Variants in VPS54 observed in about 807,000 individuals in gnomAD.
The protein encoded by VPS54 is VPS54 subunit of GARP complex.
In VPS54, 45 loss-of-function variants were observed where a neutral mutation model predicts 121.5. The observed-to-expected ratio is 0.37, with a 90% CI of 0.29 to 0.47. The LOEUF is 0.47. Among genes scored for constraint, VPS54 ranks in the 20% least tolerant of loss-of-function variants. The pLI, the probability that VPS54 is intolerant of heterozygous loss-of-function variation, is 0.99. For missense variants in VPS54, 1,090 were observed against 1,131.4 expected, an observed-to-expected ratio of 0.96 and a Z score of 0.52; for synonymous variants, 371 against 385.8, an observed-to-expected ratio of 0.96 and a Z score of 0.45.
intron 10 of VPS54, among the ~76,000 whole-genome samples, chr2:63,943,456 T>G (rs1559010399): frequency 6.6e-6 from 1 of 152,166 alleles, no homozygotes; most frequent in Non-Finnish European, 1.5e-5. Context: ...ATGACTTATG[T>G]TTTCCAACCA....
intron 7 of VPS54, among the ~76,000 whole-genome samples, chr2:63,960,014 C>T (rs903091089): frequency 6.6e-6 from 1 of 151,768 alleles, no homozygotes; most frequent in African/African-American, 2.4e-5. Context: ...AGCTAGACTC[C>T]ATCTCAAAAA....
In VPS54 at chr2:63,949,117, T is replaced by C. The variant is rs139082064; in HGVS notation, c.1057A>G (p.Met353Val). Residue 353 changes from methionine to valine, a missense_variant, in exon 8 of 23, where the codon ATG (methionine) becomes GTG (valine). By Grantham distance (21) the Met-to-Val change is conservative. Coordinates refer to ENST00000272322, the MANE Select transcript of VPS54 (RefSeq NM_016516.3). ...LCELEKLIDK[M>V]MIAEFSTYSH... is the part of the protein sequence containing the mutation. Reference sequence around the variant, plus strand: ...TAAGTAGAAAATTCTGCAATCATCATTTTATCTATCAGTTTTTCTAATTCA... The same window carrying C: ...TAAGTAGAAAATTCTGCAATCATCACTTTATCTATCAGTTTTTCTAATTCA... The C allele has an allele frequency of 2.9e-3, 4,720 of 1,611,580 alleles. 15 individuals are homozygous for C. The highest frequency in any genetic ancestry group is 3.8e-3 in the Non-Finnish European group (4,484 of 1,179,276).
At chr2:63,910,820 G>C (rs1227147600) in intron 20 of VPS54, among the ~76,000 whole-genome samples, 1 of 152,188 alleles carries the variant, frequency 6.6e-6, no homozygotes, top group African/African-American at 2.4e-5. Context: ...GATGACCAAA[G>C]TGACAGACTA....
chr2:63,908,734 C>T (rs1673011329), intron 20 of VPS54, among the ~76,000 whole-genome samples: 1 of 152,146 alleles, frequency 6.6e-6, no homozygotes, highest in Non-Finnish European at 1.5e-5. Flanking sequence ...CTAGAACTTG[C>T]TATAGTCAGA....
intron 7 of VPS54, among the ~76,000 whole-genome samples, chr2:63,953,771 A>C (rs1675368498): frequency 6.6e-6 from 1 of 152,160 alleles, no homozygotes; most frequent in Non-Finnish European, 1.5e-5. Flanking sequence ...GTGGGGGAGA[A>C]AAACTGAGGT....
chr2:63,948,292 C>T (rs1191958817), intron 8 of VPS54, among the ~76,000 whole-genome samples: 1 of 151,864 alleles, frequency 6.6e-6, no homozygotes, highest in Admixed American at 6.6e-5. Flanking sequence ...TGAGAAGTTA[C>T]CAGCTAAGTG....
intron 1 of VPS54, among the ~76,000 whole-genome samples, chr2:64,005,805 T>A (rs546364632): frequency 6.6e-6 from 1 of 152,306 alleles, no homozygotes; most frequent in South Asian, 2.1e-4. Context: ...ATGTAATTTT[T>A]TCCCCATCTA....
intron 3 of VPS54, among the ~76,000 whole-genome samples, chr2:63,976,315 C>A (rs1164945114): frequency 6.8e-6 from 1 of 147,728 alleles, no homozygotes; most frequent in Non-Finnish European, 1.5e-5. Context: ...CCTGCCACCG[C>A]ACTCCAGCCT....
In VPS54 at chr2:63,983,444, A is replaced by ATTTT. The variant is rs58336872; in HGVS notation, c.136+416_136+419dup. Among the ~76,000 whole-genome samples, 57 of 120,132 alleles carry ATTTT rather than the reference A, an allele frequency of 4.7e-4. 1 individual carries two copies. Among genetic ancestry groups the ATTTT allele is most frequent in the Admixed American group, 3.1e-3 (36 of 11,712 alleles). 78.8% of individuals were successfully genotyped at this position (120,132 alleles called of 152,430 possible). On this transcript the variant is annotated intron_variant, in intron 2 of 22. Coordinates refer to ENST00000272322, the MANE Select transcript of VPS54 (RefSeq NM_016516.3). ...GAGCCACCACGCCGGGCCCCAAATG[A>ATTTT]TTTTTTTTTTTTTTTTTTGAGATGG...
chr2:63,989,718 A>T lies in VPS54; in HGVS notation c.-20-5699T>A, dbSNP rs1575996667. Reference sequence around the variant, plus strand: ...TCCAGGTTAACTACGGGTCACACGGAGTCTAAAAATTATGCTTATCTCTTC... The same window carrying T: ...TCCAGGTTAACTACGGGTCACACGGTGTCTAAAAATTATGCTTATCTCTTC... On this transcript the variant is annotated intron_variant, in intron 1 of 22. Transcript: ENST00000272322. 2.6e-5 allele frequency among the ~76,000 whole-genome samples: 4 copies of T among 152,284 alleles called. 1 individual carries two copies. In the South Asian group the frequency reaches 8.3e-4, roughly 32 times the overall value.
intron 3 of VPS54, among the ~76,000 whole-genome samples, chr2:63,973,763 C>T (rs1676393760): frequency 6.6e-6 from 1 of 152,058 alleles, no homozygotes; most frequent in Admixed American, 6.6e-5. Flanking sequence ...CAGGCTGGTC[C>T]TGAACTCTTG....
chr2:63,923,102 A>G (rs1346161244), intron 12 of VPS54, among the ~76,000 whole-genome samples: 2 of 152,122 alleles, frequency 1.3e-5, no homozygotes, highest in Middle Eastern at 3.2e-3. Context: ...TCATGAGGTC[A>G]GGAGACCGAG....
At chr2:63,986,624 T>A (rs1314222676) in intron 1 of VPS54, among the ~76,000 whole-genome samples, 1 of 152,228 alleles carries the variant, frequency 6.6e-6, no homozygotes, top group Non-Finnish European at 1.5e-5. Context: ...GGAGTGGGAA[T>A]GCTGGATCAT....
At chr2:64,008,399 G>A (rs1425817189) in intron 1 of VPS54, among the ~76,000 whole-genome samples, 2 of 132,688 alleles carry the variant, frequency 1.5e-5, no homozygotes, top group African/African-American at 3.1e-5. Context: ...GGGTGACAGA[G>A]CGCGACTCCG....
At chr2:63,946,351 G>A (rs992690869) in intron 9 of VPS54, among the ~76,000 whole-genome samples, 4 of 152,038 alleles carry the variant, frequency 2.6e-5, no homozygotes, top group African/African-American at 9.7e-5. Flanking sequence ...ACATTCTTCT[G>A]CTGTGTTTTG....
chr2:63,906,788 C>G (rs1191084924), intron 20 of VPS54, among the ~76,000 whole-genome samples: 1 of 152,140 alleles, frequency 6.6e-6, no homozygotes, highest in Non-Finnish European at 1.5e-5. Context: ...CCCAACTGAT[C>G]TATACATTCA....
In VPS54 at chr2:63,897,519, T is replaced by C; in HGVS notation, c.2805A>G (p.Ile935Met). Residue 935 changes from isoleucine to methionine, a missense_variant, in exon 22 of 23, where the codon ATA becomes ATG. Around this residue, in one of 2 missense-constraint regions of VPS54, gnomAD observed 289 missense variants for 374.4 expected, o/e 0.77. Transcript: ENST00000272322. ...ACCCATTTTGAGGTCCTCCATCATT[T>C]ATCACATTTAAGTGAGATAACTGCT... ...LKKQLSHLNV[I>M]NDGGPQNGLV... 10 of 1,600,152 alleles carry C rather than the reference T, an allele frequency of 6.2e-6. No homozygotes were observed. The highest frequency in any genetic ancestry group is 8.5e-6 in the Non-Finnish European group (10 of 1,173,376).
chr2:63,912,249 A>C, intron 20 of VPS54, 96 bp downstream of exon 20: 3 of 1,150,218 alleles, frequency 2.6e-6, no homozygotes, highest in Non-Finnish European at 3.7e-6. Flanking sequence ...GAAAGTTTAG[A>C]TTATCTTTTC....
intron 20 of VPS54, among the ~76,000 whole-genome samples, chr2:63,902,116 T>C (rs979125639): frequency 1.3e-5 from 2 of 152,194 alleles, no homozygotes; most frequent in African/African-American, 4.8e-5. Flanking sequence ...AGCAGAAGTA[T>C]GGGCTCCACA....
Sources: allele counts gnomAD v4.1 joint callset (sites outside exome capture counted in the v4.1 genomes callset), GRCh38; gene constraint gnomAD v4.1.1; regional missense constraint gnomAD v4.1.1; transcripts MANE v1.5; gene names NCBI Gene and HGNC (gene_info 2026-07-23, HGNC 2026-07-21).